The following SPPL3 variants were observed in gnomAD, a reference collection of about 807,000 sequenced individuals.
The protein encoded by SPPL3 is signal peptide peptidase-like 3.
A neutral mutation model predicts 42.4 loss-of-function variants in SPPL3; 5 were observed. That is an observed-to-expected ratio of 0.12 (90% CI 0.06 to 0.25). SPPL3 has a LOEUF of 0.25. Among genes scored for constraint, SPPL3 ranks in the 10% least tolerant of loss-of-function variants. The pLI is 1.00. For missense variants in SPPL3, 235 were observed against 489.0 expected, an observed-to-expected ratio of 0.48 and a Z score of 4.90; for synonymous variants, 195 against 181.8, an observed-to-expected ratio of 1.07 and a Z score of -0.58.
chr12:120,800,607 T>C (rs999875874), intron 2 of SPPL3, among the ~76,000 whole-genome samples: 1 of 152,108 alleles, frequency 6.6e-6, no homozygotes, highest in Middle Eastern at 3.4e-3. Flanking sequence ...CCATTTACCA[T>C]CACAGAAAAA....
intron 1 of SPPL3, among the ~76,000 whole-genome samples, chr12:120,838,951 G>A (rs1243500174): frequency 6.6e-6 from 1 of 152,132 alleles, no homozygotes; most frequent in South Asian, 2.1e-4. Context: ...TCAGTGTGGC[G>A]ATTCCTCAGG....
rs1411134996 is a variant in SPPL3 at position 120,764,072 on chromosome 12, T to C, written c.*927A>G. On this transcript the variant is annotated 3_prime_UTR_variant, in exon 11 of 11. Coordinates refer to ENST00000353487, the MANE Select transcript of SPPL3 (RefSeq NM_139015.5). ...TTTGAACTCTTCATCCCTAATTTGC[T>C]ACACTGATCAAAACCAAGTAAGGGC... 1 of 152,628 alleles carries C rather than the reference T, an allele frequency of 6.6e-6. No homozygotes were observed. Among genetic ancestry groups the C allele is most frequent in the Non-Finnish European group, 1.5e-5 (1 of 68,064 alleles). 9.5% of individuals were successfully genotyped at this position (152,628 alleles called of 1,614,324 possible).
chr12:120,870,275 A>C (rs1283829370), intron 1 of SPPL3, among the ~76,000 whole-genome samples: 2 of 151,996 alleles, frequency 1.3e-5, no homozygotes, highest in African/African-American at 2.4e-5. Flanking sequence ...GAGAAACCCC[A>C]TCTCTACTAA....
rs940405558 is a variant in SPPL3, at chr12:120,782,716, G to A, written c.441C>T (p.Phe147=). 10 of 1,611,148 alleles carry A rather than the reference G, an allele frequency of 6.2e-6. No homozygotes were observed. In the African/African-American group the frequency reaches 1.2e-4, roughly 19 times the overall value. The change falls in exon 6 of 11, where the codon TTC becomes TTT. Residue 147 remains phenylalanine (F), a synonymous_variant. Transcript: ENST00000353487. Reference sequence around the variant, plus strand: ...TGAGGACGAGCATGACAGACAGAGAGAATGACAGCAACTCAGCAGCAGTGA... The same window carrying A: ...TGAGGACGAGCATGACAGACAGAGAAAATGACAGCAACTCAGCAGCAGTGA... ...GRFTAAELLS[F]SLSVMLVLIW...
rs1395223004 is a variant in SPPL3, at chr12:120,764,782, G to T, written c.*217C>A. ...GGAGAGGCCTGTCCCTCTTGGAAGG[G>T]GCCCCACCTCTACATCCGCAGGAAG... On this transcript the variant is annotated 3_prime_UTR_variant, in exon 11 of 11. Coordinates refer to ENST00000353487, the MANE Select transcript of SPPL3 (RefSeq NM_139015.5). 1 of 533,402 alleles carries T rather than the reference G, an allele frequency of 1.9e-6. No homozygotes were observed. Among genetic ancestry groups the T allele is most frequent in the Non-Finnish European group, 3.2e-6 (1 of 308,154 alleles). The allele number at this position is 533,402 out of a possible 1,614,324, so 33.0% of individuals were successfully genotyped here. A position where few individuals can be genotyped will look rare whatever the true frequency, so the allele number is the denominator to read the frequency against.
chr12:120,855,636 G>T (rs949587983), intron 1 of SPPL3, among the ~76,000 whole-genome samples: 1 of 151,780 alleles, frequency 6.6e-6, no homozygotes, highest in African/African-American at 2.4e-5. Context: ...ACAGTGAGCT[G>T]AGATCGTGCC....
rs775189304 is a variant in SPPL3 at position 120,800,507 on chromosome 12, C to CA, written c.102-8951dup. 4.7e-4 allele frequency among the ~76,000 whole-genome samples: 71 copies of CA among 151,398 alleles called. 1 individual carries two copies. The highest frequency in any genetic ancestry group is 1.0e-3 in the African/African-American group (42 of 41,198). On this transcript the variant is annotated intron_variant, in intron 2 of 10. Coordinates refer to ENST00000353487, the MANE Select transcript of SPPL3 (RefSeq NM_139015.5). ...AAAAGAATGAAACTCAGTCTCAAAACAAAAAAACAAAAAACAAAACAAGAA... is the reference window on the plus strand; with the variant it reads ...AAAAGAATGAAACTCAGTCTCAAAACAAAAAAAACAAAAAACAAAACAAGAA...
chr12:120,881,192 G>A (rs939245857), intron 1 of SPPL3, among the ~76,000 whole-genome samples: 1 of 151,890 alleles, frequency 6.6e-6, no homozygotes, highest in African/African-American at 2.4e-5. Context: ...ATGTTGCCCA[G>A]GTGCGGTGGC....
At chr12:120,860,202 T>G (rs1872584412) in intron 1 of SPPL3, among the ~76,000 whole-genome samples, 2 of 152,096 alleles carry the variant, frequency 1.3e-5, no homozygotes, top group African/African-American at 4.8e-5. Flanking sequence ...AGACCCTGCC[T>G]CAAAAATAAA....
At chr12:120,843,060 C>A (rs949976142) in intron 1 of SPPL3, among the ~76,000 whole-genome samples, 1 of 152,014 alleles carries the variant, frequency 6.6e-6, no homozygotes, top group Non-Finnish European at 1.5e-5. Context: ...GTTAGTATAT[C>A]CCCAGGAATG....
chr12:120,783,518 C>T (rs556594978), intron 5 of SPPL3, among the ~76,000 whole-genome samples, 156 bp downstream of exon 5: 17 of 152,326 alleles, frequency 1.1e-4, no homozygotes, highest in Non-Finnish European at 2.2e-4. Context: ...GAAGTACTAG[C>T]TTCTGGCTTT....
intron 1 of SPPL3, among the ~76,000 whole-genome samples, chr12:120,855,818 T>TG (rs963362239): frequency 6.6e-6 from 1 of 152,198 alleles, no homozygotes; most frequent in East Asian, 1.9e-4. Context: ...TGCAAATGAA[T>TG]GGGGGTGTAC....
At chr12:120,841,312 C>T (rs1871824018) in intron 1 of SPPL3, among the ~76,000 whole-genome samples, 1 of 151,382 alleles carries the variant, frequency 6.6e-6, no homozygotes. Context: ...GCAACAAGAG[C>T]GAAACTCCAT....
At chr12:120,856,176 T>C (rs567664016) in intron 1 of SPPL3, among the ~76,000 whole-genome samples, 35 of 152,222 alleles carry the variant, frequency 2.3e-4, no homozygotes, top group African/African-American at 8.4e-4. Context: ...GTGGCTACCT[T>C]GCTGGACAGC....
chr12:120,816,222 C>T (rs1370899201), intron 1 of SPPL3, among the ~76,000 whole-genome samples: 2 of 152,144 alleles, frequency 1.3e-5, no homozygotes, highest in African/African-American at 2.4e-5. Flanking sequence ...AGCATGTCCC[C>T]CACTGCAGAA....
chr12:120,818,912 A>G (rs1870966110), intron 1 of SPPL3, among the ~76,000 whole-genome samples: 1 of 152,268 alleles, frequency 6.6e-6, no homozygotes, highest in Admixed American at 6.5e-5. Context: ...AAAACAGAAC[A>G]AAAAAATTAA....
chr12:120,768,518 A>G, intron 7 of SPPL3, 30 bp from the exon 8 acceptor site: 2 of 1,593,120 alleles, frequency 1.3e-6, no homozygotes, highest in South Asian at 2.3e-5. Context: ...CCTTTAACAG[A>G]GGGAGTTGGA....
intron 6 of SPPL3, 181 bp from the exon 7 acceptor site, chr12:120,769,240 G>A (rs1332761023): frequency 1.9e-6 from 1 of 536,080 alleles, no homozygotes; most frequent in Non-Finnish European, 3.4e-6. Context: ...AGCCTGTTTG[G>A]ACTTGTGGAA....
chr12:120,794,843 T>C (rs1328546154), intron 2 of SPPL3, among the ~76,000 whole-genome samples: 1 of 152,218 alleles, frequency 6.6e-6, no homozygotes, highest in African/African-American at 2.4e-5. Context: ...TAATATAGCA[T>C]TTTTTATGAT....
Sources: gnomAD v4.1 joint callset for allele counts (sites outside exome capture counted in the v4.1 genomes callset) on GRCh38, gnomAD v4.1.1 for gene constraint, MANE v1.5 for transcripts, NCBI Gene and HGNC (gene_info 2026-07-23, HGNC 2026-07-21) for gene names.